Variants in CBR4 observed in about 807,000 individuals in gnomAD.
CBR4 encodes the protein 3-oxoacyl-[acyl-carrier-protein] reductase.
CBR4 carries 22 observed loss-of-function variants against 21.0 expected under a neutral mutation model. That is an observed-to-expected ratio of 1.05 (90% confidence interval 0.75 to 1.50). CBR4 has a LOEUF of 1.50. Ranked by LOEUF, CBR4 falls within the 40% of genes most tolerant of loss-of-function variation. The pLI, the probability that CBR4 is intolerant of heterozygous loss-of-function variation, is 0.00. For synonymous variants in CBR4, 100 were observed against 104.4 expected, an observed-to-expected ratio of 0.96 and a Z score of 0.26; for missense variants, 302 against 286.3, an observed-to-expected ratio of 1.05 and a Z score of -0.40.
At chr4:168,970,425 A>G (rs1764170143) in intron 2 of CBR4, among the ~76,000 whole-genome samples, 1 of 151,934 alleles carries the variant, frequency 6.6e-6, no homozygotes, top group Non-Finnish European at 1.5e-5. Context: ...TCCCTACCTG[A>G]TTTTTGTTTT....
intron 2 of CBR4, among the ~76,000 whole-genome samples, chr4:168,966,730 A>G (rs1764048436): frequency 1.3e-5 from 2 of 152,046 alleles, no homozygotes; most frequent in African/African-American, 4.8e-5. Flanking sequence ...AAATCATGCT[A>G]CTACAGGGCC....
At chr4:168,998,681 G>C (rs551697223) in intron 4 of CBR4, among the ~76,000 whole-genome samples, 2 of 152,214 alleles carry the variant, frequency 1.3e-5, no homozygotes, top group East Asian at 3.9e-4. Context: ...GAATTGTATG[G>C]TATGTGAATT....
chr4:169,007,023 G>A lies in CBR4; in HGVS notation c.264-132C>T. Reference sequence around the variant, plus strand: ...TGAGCTAGAATAGCTAGAATACCTAGAGTCCCATTTTGAACTTGGCTTGAG... The same window carrying A: ...TGAGCTAGAATAGCTAGAATACCTAAAGTCCCATTTTGAACTTGGCTTGAG... On this transcript the variant is annotated intron_variant, in intron 2 of 4. Transcript: ENST00000306193. 3 of 659,146 alleles carry A rather than the reference G, an allele frequency of 4.6e-6. No individual in the cohort carries two copies. The Admixed American group carries it at 7.6e-5, about 17-fold the overall frequency. The allele number at this position is 659,146 out of a possible 1,614,324, so 40.8% of individuals were successfully genotyped here. A position where few individuals can be genotyped will look rare whatever the true frequency, so the allele number is the denominator to read the frequency against.
chr4:169,010,144 G>T lies in CBR4; in HGVS notation c.-55C>A, dbSNP rs546554324. On this transcript the variant is annotated 5_prime_UTR_variant, in exon 1 of 5. Transcript: ENST00000306193. ...GTAGGGAGTGGGAGCCCCTCTCCAG[G>T]TTCCCTCAGGCTTTTAAACAACCGC... 16 of 1,439,024 alleles carry T rather than the reference G, an allele frequency of 1.1e-5. No individual in the cohort carries two copies. Among genetic ancestry groups the T allele is most frequent in the Middle Eastern group, 1.9e-4 (1 of 5,178 alleles). The allele number at this position is 1,439,024 out of a possible 1,614,324, so 89.1% of individuals were successfully genotyped here.
intron 2 of CBR4, among the ~76,000 whole-genome samples, chr4:168,973,995 TTG>T (rs1448401092): frequency 1.3e-5 from 2 of 152,142 alleles, no homozygotes; most frequent in Non-Finnish European, 2.9e-5. Flanking sequence ...CTTTTTTTCA[TTG>T]TGTTATTGTT....
chr4:168,959,935 C>G (rs1272739691), intron 2 of CBR4, among the ~76,000 whole-genome samples: 1 of 151,164 alleles, frequency 6.6e-6, no homozygotes, highest in Non-Finnish European at 1.5e-5. Flanking sequence ...ATACACAGAT[C>G]AAGTTAGAGA....
intron 4 of CBR4, among the ~76,000 whole-genome samples, chr4:168,990,822 G>A (rs1338028881): frequency 1.3e-5 from 2 of 152,062 alleles, no homozygotes; most frequent in Non-Finnish European, 2.9e-5. Context: ...GGAGGCCGAG[G>A]TGGGCAGATC....
chr4:168,962,485 G>C (rs535146492), intron 2 of CBR4, among the ~76,000 whole-genome samples: 2 of 152,290 alleles, frequency 1.3e-5, no homozygotes, highest in South Asian at 4.2e-4. Flanking sequence ...AGAAAGACTT[G>C]AGGATAATAC....
downstream of CBR4, among the ~76,000 whole-genome samples, chr4:168,986,766 G>A (rs1460290116): frequency 6.6e-6 from 1 of 152,060 alleles, no homozygotes; most frequent in Non-Finnish European, 1.5e-5. Flanking sequence ...GACACAGTGA[G>A]ACCTTGTCTC....
intron 4 of CBR4, among the ~76,000 whole-genome samples, chr4:168,993,400 G>A (rs992924500): frequency 2.6e-5 from 4 of 151,958 alleles, no homozygotes; most frequent in African/African-American, 4.8e-5. Flanking sequence ...TAGTAGAGAC[G>A]GGGTTTCACC....
At chr4:168,916,354 G>A (rs1760084599) in intron 2 of CBR4, among the ~76,000 whole-genome samples, 1 of 152,104 alleles carries the variant, frequency 6.6e-6, no homozygotes, top group African/African-American at 2.4e-5. Flanking sequence ...GAAGCTATGT[G>A]AGCTATGATC....
intron 2 of CBR4, among the ~76,000 whole-genome samples, chr4:168,935,019 C>A (rs940998790): frequency 1.3e-5 from 2 of 152,210 alleles, no homozygotes; most frequent in Non-Finnish European, 2.9e-5. Flanking sequence ...CGGTCTGCAA[C>A]CCCCAGCAAG....
intron 2 of CBR4, among the ~76,000 whole-genome samples, chr4:168,980,803 G>A (rs1373036165): frequency 6.6e-6 from 1 of 152,170 alleles, no homozygotes; most frequent in Non-Finnish European, 1.5e-5. Flanking sequence ...GAAGGCAAGT[G>A]ACTACAGTCA....
At chr4:169,008,490 T>A (rs1173205036) in intron 1 of CBR4, among the ~76,000 whole-genome samples, 1 of 152,216 alleles carries the variant, frequency 6.6e-6, no homozygotes, top group Non-Finnish European at 1.5e-5. Context: ...AATTCTTTAT[T>A]TTCTGTCTGA....
rs1017396639 is a variant in CBR4 at position 169,010,226 on chromosome 4, G to T, written c.-137C>A. The T allele has an allele frequency of 9.5e-5, 71 of 751,210 alleles. No homozygotes were observed. In the East Asian group the frequency reaches 2.0e-3, roughly 22 times the overall value. 46.5% of individuals were successfully genotyped at this position (751,210 alleles called of 1,614,324 possible). A position where few individuals can be genotyped will look rare whatever the true frequency, so the allele number is the denominator to read the frequency against. On this transcript the variant is annotated 5_prime_UTR_variant, in exon 1 of 5. Transcript: ENST00000306193. The stretch of plus-strand genomic sequence containing the variant: ...GCAAACCGCAAAAAAAAATAACGCC[G>T]CTCGACACCTCCTGCAGCCGCACAA...
intron 4 of CBR4, chr4:169,001,611 TG>T (rs1730446793): frequency 6.6e-6 from 1 of 152,276 alleles, no homozygotes. Context: ...GCCCTCCACA[TG>T]GTAAATAATG....
At chr4:168,912,317 T>C (rs1224833003) in intron 2 of CBR4, among the ~76,000 whole-genome samples, 3 of 152,228 alleles carry the variant, frequency 2.0e-5, no homozygotes, top group African/African-American at 7.2e-5. Context: ...AGTCTAATCA[T>C]TGATGGTACA....
chr4:168,984,157 C>G (rs1331619015), downstream of CBR4, among the ~76,000 whole-genome samples: 1 of 151,928 alleles, frequency 6.6e-6, no homozygotes, highest in Non-Finnish European at 1.5e-5. Flanking sequence ...ACTAGAAAAC[C>G]CTATCGTCTA....
At chr4:168,926,465 G>T in intron 2 of CBR4, 1 of 977,088 alleles carries the variant, frequency 1.0e-6, no homozygotes, top group Non-Finnish European at 1.5e-6. Context: ...TTATGTAAAA[G>T]GCAGAAACAT....
Sources: gnomAD v4.1 joint callset for allele counts (sites outside exome capture counted in the v4.1 genomes callset) on GRCh38, gnomAD v4.1.1 for gene constraint, MANE v1.5 for transcripts, NCBI Gene and HGNC (gene_info 2026-07-23, HGNC 2026-07-21) for gene names.